The following PCDH15 variants were observed in gnomAD, a reference collection of about 807,000 sequenced individuals.
PCDH15 encodes protocadherin related 15, also known as protocadherin-15.
A neutral mutation model predicts 178.5 loss-of-function variants in PCDH15; 129 were observed. That is an observed-to-expected ratio of 0.72 (90% CI 0.63 to 0.84). The LOEUF (loss-of-function observed/expected upper bound fraction) is 0.84, where lower values mean the gene tolerates loss of function less well. Among genes scored for constraint, PCDH15 ranks in the 40% least tolerant of loss-of-function variants. The pLI is 0.00. For missense variants in PCDH15, 2,230 were observed against 2,099.9 expected (o/e 1.06, Z -1.21); for synonymous variants, 800 against 732.0 (o/e 1.09, Z -1.50).
chr10:54,315,979 T>G (rs76606556), intron 8 of PCDH15, among the ~76,000 whole-genome samples: 2 of 18,842 alleles, frequency 1.1e-4, no homozygotes, highest in Admixed American at 5.9e-4. Flanking sequence ...TTGGGTTTTG[T>G]TTTTTTTTTT....
chr10:54,779,453 CATATATGTGTGT>C (rs1303258654), intron 1 of PCDH15, among the ~76,000 whole-genome samples: 10 of 114,258 alleles, frequency 8.8e-5, no homozygotes, highest in South Asian at 2.9e-4. Context: ...TATATACACT[CATATATGTGTGT>C]ATATATATAC....
chr10:54,947,371 A>G (rs1838222076), intron 2 of PCDH15, among the ~76,000 whole-genome samples: 1 of 151,982 alleles, frequency 6.6e-6, no homozygotes, highest in South Asian at 2.1e-4. Flanking sequence ...AGATTTGTAT[A>G]TCTGGTTTAT....
chr10:55,340,735 A>G (rs901273025), intron 2 of PCDH15, among the ~76,000 whole-genome samples: 15 of 152,116 alleles, frequency 9.9e-5, no homozygotes, highest in Non-Finnish European at 1.9e-4. Flanking sequence ...TATTAATGAT[A>G]GCATGAAGTA....
intron 2 of PCDH15, among the ~76,000 whole-genome samples, chr10:55,446,581 T>C (rs1220482621): frequency 2.0e-5 from 3 of 152,096 alleles, no homozygotes; most frequent in Non-Finnish European, 2.9e-5. Flanking sequence ...ATTGCATTAT[T>C]GGTCTCAATT....
chr10:54,905,190 C>T (rs1322092062), intron 2 of PCDH15, among the ~76,000 whole-genome samples: 5 of 152,036 alleles, frequency 3.3e-5, no homozygotes, highest in African/African-American at 1.2e-4. Context: ...TGTGTTGATA[C>T]ACTGAAATAG....
intron 3 of PCDH15, among the ~76,000 whole-genome samples, chr10:54,513,108 A>G (rs2081872574): frequency 6.6e-6 from 1 of 151,994 alleles, no homozygotes; most frequent in Non-Finnish European, 1.5e-5. Context: ...AATGTACAAA[A>G]CATTTTAAAA....
chr10:54,099,863 A>C (rs2094776729), intron 15 of PCDH15, among the ~76,000 whole-genome samples: 1 of 152,176 alleles, frequency 6.6e-6, no homozygotes. Flanking sequence ...AAAGTAATCC[A>C]GGTCTAGTAT....
chr10:54,535,571 G>A (rs535120808), intron 2 of PCDH15, among the ~76,000 whole-genome samples: 101 of 151,880 alleles, frequency 6.6e-4, no homozygotes, highest in African/African-American at 2.2e-3. Context: ...TTAGCTGGGC[G>A]TGGTGGCGGG....
At position 54,527,850 on chromosome 10, in the gene PCDH15, G is replaced by T. The variant is rs1218428008; in HGVS notation, c.119C>A (p.Pro40Gln). The T allele has an allele frequency of 6.2e-7, 1 of 1,611,950 alleles. No individual in the cohort carries two copies. The highest frequency in any genetic ancestry group is 8.5e-7 in the Non-Finnish European group (1 of 1,178,482). ...TTCATCAATAGCAACTATGGTAGCTGGTGGTCCTCCCCTAGCTAGTTTGCA... is the reference window on the plus strand; with the variant it reads ...TTCATCAATAGCAACTATGGTAGCTTGTGGTCCTCCCCTAGCTAGTTTGCA... Reference protein sequence around the residue: ...DDCKLARGGPPATIVAIDEES... With the variant: ...DDCKLARGGPQATIVAIDEES... Residue 40 changes from proline to glutamine, a missense_variant, in exon 3 of 38, where the codon CCA (proline) becomes CAA (glutamine). Coordinates refer to ENST00000644397, the MANE Select transcript of PCDH15 (RefSeq NM_001384140.1).
intron 3 of PCDH15, among the ~76,000 whole-genome samples, chr10:54,453,260 G>A (rs2076596673): frequency 6.6e-6 from 1 of 152,102 alleles, no homozygotes; most frequent in South Asian, 2.1e-4. Flanking sequence ...CAACCCAAAT[G>A]TCCAACAATG....
chr10:55,317,376 C>T (rs1001294780), intron 1 of PCDH15, among the ~76,000 whole-genome samples: 2 of 152,076 alleles, frequency 1.3e-5, no homozygotes, highest in African/African-American at 4.8e-5. Flanking sequence ...GCCTTATAGG[C>T]AGTTTTCCCC....
chr10:54,805,536 C>T (rs1952765905), upstream of PCDH15, among the ~76,000 whole-genome samples: 1 of 152,112 alleles, frequency 6.6e-6, no homozygotes, highest in African/African-American at 2.4e-5. Context: ...GTTTTTTATT[C>T]TGACACCCTT....
At chr10:54,550,071 A>C (rs1417176765) in intron 2 of PCDH15, among the ~76,000 whole-genome samples, 1 of 152,182 alleles carries the variant, frequency 6.6e-6, no homozygotes, top group East Asian at 1.9e-4. Flanking sequence ...CAGACGCTCC[A>C]AAACAAATGT....
chr10:54,933,273 G>A (rs1298090694), intron 2 of PCDH15, among the ~76,000 whole-genome samples: 4 of 152,116 alleles, frequency 2.6e-5, no homozygotes, highest in Admixed American at 2.6e-4. Context: ...CCCTCAATAA[G>A]CTGAGTAATT....
chr10:55,311,101 A>G (rs760100987), intron 1 of PCDH15, among the ~76,000 whole-genome samples: 1 of 152,240 alleles, frequency 6.6e-6, no homozygotes, highest in East Asian at 1.9e-4. Context: ...GGTGTGTTAT[A>G]AAAGATGACT....
chr10:55,357,971 T>C (rs1035254427), intron 2 of PCDH15, among the ~76,000 whole-genome samples: 21 of 152,044 alleles, frequency 1.4e-4, no homozygotes, highest in East Asian at 3.9e-4. Flanking sequence ...AAATCACTCT[T>C]ATTGGGTGGA....
chr10:54,845,824 G>T (rs764731548), intron 3 of PCDH15, among the ~76,000 whole-genome samples: 1 of 151,878 alleles, frequency 6.6e-6, no homozygotes, highest in Non-Finnish European at 1.5e-5. Flanking sequence ...CAATTTTTTT[G>T]GAAGTCAAAA....
intron 1 of PCDH15, among the ~76,000 whole-genome samples, chr10:54,724,564 T>G (rs1326086311): frequency 2.0e-5 from 3 of 151,594 alleles, no homozygotes; most frequent in Non-Finnish European, 4.4e-5. Context: ...TAATATTAGC[T>G]GTAGAGAGTA....
intron 2 of PCDH15, among the ~76,000 whole-genome samples, chr10:54,547,221 T>C (rs1008715927): frequency 2.0e-5 from 3 of 152,326 alleles, no homozygotes; most frequent in East Asian, 1.9e-4. Flanking sequence ...AAGTTTAATA[T>C]GACATTTAAC....
Sources: allele counts gnomAD v4.1 joint callset (sites outside exome capture counted in the v4.1 genomes callset), GRCh38; gene constraint gnomAD v4.1.1; transcripts MANE v1.5; gene names NCBI Gene and HGNC (gene_info 2026-07-23, HGNC 2026-07-21).